RNF13: variants seen among roughly 807,000 people sequenced by gnomAD.
The protein encoded by RNF13 is E3 ubiquitin-protein ligase RNF13.
Under a neutral mutation model 37.7 loss-of-function variants are expected in RNF13, and 19 were observed. The observed-to-expected ratio is 0.50, with a 90% CI of 0.35 to 0.74. The LOEUF is 0.74. Ranked by LOEUF, RNF13 falls within the 30% of genes least tolerant of loss-of-function variation. RNF13 has a pLI of 0.01. For missense variants in RNF13, 375 were observed against 453.0 expected, an observed-to-expected ratio of 0.83 and a Z score of 1.56; for synonymous variants, 144 against 157.8, an observed-to-expected ratio of 0.91 and a Z score of 0.65.
At chr3:149,851,278 G>A (rs184960193) in intron 2 of RNF13, 73 of 152,338 alleles carry the variant, frequency 4.8e-4, no homozygotes, top group African/African-American at 1.8e-3. Context: ...TTGACGGTGA[G>A]CCAAGGAGAC....
At chr3:149,936,201 G>T (rs1346899630) in intron 8 of RNF13, among the ~76,000 whole-genome samples, 1 of 151,724 alleles carries the variant, frequency 6.6e-6, no homozygotes, top group Non-Finnish European at 1.5e-5. Context: ...ATTATTGTAT[G>T]CCTTGGGATA....
chr3:149,837,174 G>C (rs1354420979), intron 1 of RNF13, among the ~76,000 whole-genome samples: 1 of 152,106 alleles, frequency 6.6e-6, no homozygotes, highest in Non-Finnish European at 1.5e-5. Context: ...GAGGCTGAAG[G>C]CCTTCTGAAA....
chr3:149,836,205 A>G (rs1005309331), intron 1 of RNF13, among the ~76,000 whole-genome samples: 3 of 152,116 alleles, frequency 2.0e-5, no homozygotes, highest in Admixed American at 1.3e-4. Flanking sequence ...AGAATTGCCT[A>G]TTCATGTCCT....
intron 1 of RNF13, among the ~76,000 whole-genome samples, chr3:149,833,472 A>G (rs765024018): frequency 1.3e-4 from 20 of 152,228 alleles, no homozygotes; most frequent in Non-Finnish European, 2.1e-4. Flanking sequence ...TCTACATGTG[A>G]AAAGTGTTAT....
At chr3:149,952,735 G>C (rs367970929) in intron 8 of RNF13, among the ~76,000 whole-genome samples, 1 of 152,128 alleles carries the variant, frequency 6.6e-6, no homozygotes, top group East Asian at 1.9e-4. Context: ...GAGTAGCTGG[G>C]ATTACAGGCA....
rs1300997646 is a variant in RNF13, at chr3:149,895,576, A to G, written c.409+16A>G. Reference sequence around the variant, plus strand: ...TCCAACGACAGTAAGTACAGGTATCACTTTTCTTCTCTCCTGTTTGACAGA... The same window carrying G: ...TCCAACGACAGTAAGTACAGGTATCGCTTTTCTTCTCTCCTGTTTGACAGA... On this transcript the variant is annotated intron_variant, in intron 5 of 9. Coordinates refer to ENST00000392894, the MANE Select transcript of RNF13 (RefSeq NM_183381.3). The G allele has an allele frequency of 6.9e-7, 1 of 1,455,970 alleles. No individual in the cohort carries two copies. Among genetic ancestry groups the G allele is most frequent in the Admixed American group, 1.8e-5 (1 of 54,760 alleles). 90.2% of individuals were successfully genotyped at this position (1,455,970 alleles called of 1,614,324 possible). A position where few individuals can be genotyped will look rare whatever the true frequency, so the allele number is the denominator to read the frequency against.
intron 1 of RNF13, among the ~76,000 whole-genome samples, chr3:149,840,268 A>G (rs1225795355): frequency 6.6e-6 from 1 of 152,218 alleles, no homozygotes; most frequent in Non-Finnish European, 1.5e-5. Flanking sequence ...AGATCGTGGT[A>G]GTGTACACAT....
chr3:149,889,538 C>T (rs187984706), intron 4 of RNF13, among the ~76,000 whole-genome samples: 78 of 150,458 alleles, frequency 5.2e-4, no homozygotes, highest in African/African-American at 1.7e-3. Context: ...CTCTTGACCT[C>T]GTGATCTGCC....
At chr3:149,956,121 G>A (rs1721839805) in intron 8 of RNF13, among the ~76,000 whole-genome samples, 2 of 152,062 alleles carry the variant, frequency 1.3e-5, no homozygotes, top group African/African-American at 2.4e-5. Flanking sequence ...GCTATATGAA[G>A]GCCATCATAA....
intron 6 of RNF13, among the ~76,000 whole-genome samples, chr3:149,906,644 GCTT>G (rs1716431466): frequency 1.4e-5 from 1 of 73,816 alleles, no homozygotes; most frequent in Non-Finnish European, 2.8e-5. Context: ...GTTCAATTCT[GCTT>G]TTTTTTTTTT....
intron 7 of RNF13, among the ~76,000 whole-genome samples, chr3:149,920,647 T>A (rs1718021744): frequency 6.6e-6 from 1 of 152,202 alleles, no homozygotes; most frequent in African/African-American, 2.4e-5. Context: ...TTTAAAATAT[T>A]TTGTACATTT....
At chr3:149,840,276 C>T (rs1288984866) in intron 1 of RNF13, among the ~76,000 whole-genome samples, 3 of 152,170 alleles carry the variant, frequency 2.0e-5, no homozygotes, top group Admixed American at 6.5e-5. Context: ...GTAGTGTACA[C>T]ATCTCTAGAA....
chr3:149,848,806 T>C (rs1488368299), intron 2 of RNF13, among the ~76,000 whole-genome samples: 6 of 152,192 alleles, frequency 3.9e-5, no homozygotes, highest in Admixed American at 3.3e-4. Context: ...CAAGTAGTTG[T>C]TGAGTTCTAA....
intron 8 of RNF13, among the ~76,000 whole-genome samples, chr3:149,945,810 G>T (rs1720720185): frequency 6.6e-6 from 1 of 152,240 alleles, no homozygotes; most frequent in South Asian, 2.1e-4. Context: ...CAAAAAGGGT[G>T]TGGAGTGGAC....
chr3:149,930,711 G>A (rs746858824), intron 8 of RNF13, among the ~76,000 whole-genome samples: 11 of 152,152 alleles, frequency 7.2e-5, no homozygotes, highest in Non-Finnish European at 1.5e-4. Flanking sequence ...GTTTTGGAAG[G>A]TTATTATTTA....
intron 2 of RNF13, 133 bp from the exon 3 acceptor site, chr3:149,852,383 C>T: frequency 2.4e-6 from 1 of 424,716 alleles, no homozygotes; most frequent in Non-Finnish European, 4.3e-6. Flanking sequence ...TTTACAAATT[C>T]AGTTTTATTT....
chr3:149,839,899 A>C (rs1721999788), intron 1 of RNF13, among the ~76,000 whole-genome samples: 1 of 152,192 alleles, frequency 6.6e-6, no homozygotes, highest in African/African-American at 2.4e-5. Flanking sequence ...GATGTGTAAC[A>C]ATTTCATGCC....
chr3:149,959,898 A>G (rs1029159674), intron 8 of RNF13, 158 bp from the exon 9 acceptor site: 1 of 498,338 alleles, frequency 2.0e-6, no homozygotes, highest in Non-Finnish European at 3.6e-6. Context: ...AATTACTTAA[A>G]TTGAAACTTC....
At chr3:149,825,600 C>A (rs1720423161) in intron 1 of RNF13, among the ~76,000 whole-genome samples, 1 of 152,218 alleles carries the variant, frequency 6.6e-6, no homozygotes, top group Admixed American at 6.5e-5. Flanking sequence ...TGGACCAGCT[C>A]TGGTCTGGTC....
Sources: gnomAD v4.1 joint callset for allele counts (sites outside exome capture counted in the v4.1 genomes callset) on GRCh38, gnomAD v4.1.1 for gene constraint, MANE v1.5 for transcripts, NCBI Gene and HGNC (gene_info 2026-07-23, HGNC 2026-07-21) for gene names.